The following LRMDA variants were observed in gnomAD, a reference collection of about 807,000 sequenced individuals.
The protein encoded by LRMDA is leucine-rich melanocyte differentiation-associated protein.
In LRMDA, 18 loss-of-function variants were observed where a neutral mutation model predicts 29.8. The ratio of observed to expected loss-of-function variants is 0.60; its 90% CI spans 0.42 to 0.90. The LOEUF (loss-of-function observed/expected upper bound fraction) is 0.90, where lower values mean the gene tolerates loss of function less well. Among genes scored for constraint, LRMDA ranks in the 40% least tolerant of loss-of-function variants. The pLI is 0.00. For missense variants in LRMDA, 273 were observed against 273.9 expected, an observed-to-expected ratio of 1.00 and a Z score of 0.02; for synonymous variants, 125 against 109.4, an observed-to-expected ratio of 1.14 and a Z score of -0.89.
intron 2 of LRMDA, among the ~76,000 whole-genome samples, chr10:75,928,829 C>T (rs1846162502): frequency 6.6e-6 from 1 of 152,058 alleles, no homozygotes; most frequent in South Asian, 2.1e-4. Flanking sequence ...CCCAGTGGCT[C>T]TGTGGCAGGA....
At chr10:75,705,852 T>C (rs1048323807) in intron 2 of LRMDA, among the ~76,000 whole-genome samples, 1 of 151,516 alleles carries the variant, frequency 6.6e-6, no homozygotes. Context: ...TATTTTTTAA[T>C]TCATTTAGCT....
chr10:75,666,710 G>A lies in LRMDA; in HGVS notation c.131+228216G>A, dbSNP rs184638445. On this transcript the variant is annotated intron_variant, in intron 2 of 6. Transcript: ENST00000611255. ...AGGTAGATGGTTGGTTTTTTTTTGA[G>A]ATTAATTAGTCCAACATGCTGACCA... Among the ~76,000 whole-genome samples the A allele has an allele frequency of 1.8e-3, 273 of 151,958 alleles. 2 individuals carry two copies. Among genetic ancestry groups the A allele is most frequent in the Non-Finnish European group, 3.0e-3 (203 of 67,938 alleles).
chr10:76,150,171 G>A (rs948176007), intron 5 of LRMDA, among the ~76,000 whole-genome samples: 13 of 152,302 alleles, frequency 8.5e-5, no homozygotes, highest in South Asian at 6.2e-4. Flanking sequence ...GCCCCTCCGC[G>A]CTACACACTT....
intron 2 of LRMDA, among the ~76,000 whole-genome samples, chr10:75,568,904 GC>G (rs550528435): frequency 1.2e-3 from 177 of 152,230 alleles, no homozygotes; most frequent in African/African-American, 4.1e-3. Context: ...CTATTCACTG[GC>G]AGGTGTGACT....
chr10:75,865,337 A>G (rs1246620523), intron 2 of LRMDA, among the ~76,000 whole-genome samples: 2 of 152,210 alleles, frequency 1.3e-5, no homozygotes, highest in South Asian at 2.1e-4. Context: ...AGGTAGTTCT[A>G]TGGGTATATG....
intron 6 of LRMDA, among the ~76,000 whole-genome samples, chr10:76,437,908 A>G (rs1842261347): frequency 6.6e-6 from 1 of 152,188 alleles, no homozygotes; most frequent in African/African-American, 2.4e-5. Context: ...CATAACAACC[A>G]TAAGGTAGGT....
chr10:75,558,369 G>A (rs536488810), intron 2 of LRMDA, among the ~76,000 whole-genome samples: 1 of 151,908 alleles, frequency 6.6e-6, no homozygotes, highest in East Asian at 1.9e-4. Context: ...ATAAAAATTT[G>A]CACTGGATAA....
intron 2 of LRMDA, among the ~76,000 whole-genome samples, chr10:76,023,784 C>G (rs1300155829): frequency 2.0e-5 from 3 of 152,236 alleles, no homozygotes; most frequent in Non-Finnish European, 4.4e-5. Context: ...AAACATATCA[C>G]TATTTCTTCT....
Position 75,709,438 on chromosome 10 carries a change from C to T in LRMDA, c.131+270944C>T, listed in dbSNP as rs1348017018. ...TGTGTGTACGTGTGTGTGTGTGTGT[C>T]TGTGTATGTGCATGTGTGTGTGTGT... On this transcript the variant is annotated intron_variant, in intron 2 of 6. Coordinates refer to ENST00000611255, the MANE Select transcript of LRMDA (RefSeq NM_001305581.2). Among the ~76,000 whole-genome samples, 3 of 148,614 alleles carry T rather than the reference C, an allele frequency of 2.0e-5. No homozygotes were observed. In the East Asian group the frequency reaches 6.1e-4, roughly 30 times the overall value.
chr10:76,444,470 C>T (rs1040973951), intron 6 of LRMDA, among the ~76,000 whole-genome samples: 1 of 152,194 alleles, frequency 6.6e-6, no homozygotes, highest in Non-Finnish European at 1.5e-5. Flanking sequence ...GAATTCGATA[C>T]TGGGTTCAAA....
intron 5 of LRMDA, among the ~76,000 whole-genome samples, chr10:76,216,671 A>AT (rs1248904662): frequency 1.3e-5 from 2 of 152,224 alleles, no homozygotes; most frequent in East Asian, 3.9e-4. Context: ...GAGAGTATGT[A>AT]TATCTACAGG....
At chr10:75,584,904 G>A (rs1840639178) in intron 2 of LRMDA, among the ~76,000 whole-genome samples, 1 of 152,180 alleles carries the variant, frequency 6.6e-6, no homozygotes, top group South Asian at 2.1e-4. Context: ...CTAACTTTGG[G>A]GCAGCAGTTC....
chr10:75,438,593 A>T, intron 2 of LRMDA, 99 bp downstream of exon 2: 1 of 876,510 alleles, frequency 1.1e-6, no homozygotes. Flanking sequence ...CCAACTCCAC[A>T]TGGGTTGTCC....
At chr10:75,570,491 T>C (rs1019898117) in intron 2 of LRMDA, among the ~76,000 whole-genome samples, 1 of 152,176 alleles carries the variant, frequency 6.6e-6, no homozygotes, top group African/African-American at 2.4e-5. Flanking sequence ...CTGGGTGTGA[T>C]GTAATAGGTT....
intron 2 of LRMDA, among the ~76,000 whole-genome samples, chr10:75,507,681 G>A (rs536935606): frequency 6.6e-6 from 1 of 152,262 alleles, no homozygotes; most frequent in Admixed American, 6.5e-5. Flanking sequence ...ATTTGTACTG[G>A]AAAGCAAACT....
intron 5 of LRMDA, among the ~76,000 whole-genome samples, chr10:76,122,831 G>A (rs540347305): frequency 1.3e-5 from 2 of 152,258 alleles, no homozygotes; most frequent in Middle Eastern, 3.4e-3. Flanking sequence ...CTCTAAGGCT[G>A]CAAAGCTGAT....
intron 5 of LRMDA, among the ~76,000 whole-genome samples, chr10:76,128,575 G>A (rs766189268): frequency 2.3e-4 from 35 of 152,204 alleles, no homozygotes; most frequent in Non-Finnish European, 3.1e-4. Context: ...TCAAAGTAAA[G>A]CCATGCACTT....
intron 6 of LRMDA, among the ~76,000 whole-genome samples, chr10:76,345,204 C>A (rs1841090281): frequency 1.3e-5 from 2 of 149,500 alleles, no homozygotes; most frequent in Admixed American, 6.6e-5. Flanking sequence ...GTAGCTGGGA[C>A]TACAGGCGCC....
chr10:75,461,982 C>T (rs1844591050), intron 2 of LRMDA, among the ~76,000 whole-genome samples: 1 of 152,248 alleles, frequency 6.6e-6, no homozygotes, highest in Admixed American at 6.5e-5. Context: ...CTACATTTAC[C>T]TGCAATGGCA....
Sources: allele counts gnomAD v4.1 joint callset (sites outside exome capture counted in the v4.1 genomes callset), GRCh38; gene constraint gnomAD v4.1.1; transcripts MANE v1.5; gene names NCBI Gene and HGNC (gene_info 2026-07-23, HGNC 2026-07-21).